Variants in ACAT1 observed in about 807,000 individuals in gnomAD.
ACAT1 encodes acetyl-CoA acetyltransferase 1.
In ACAT1, 28 loss-of-function variants were observed where a neutral mutation model predicts 47.3. The observed-to-expected ratio is 0.59, with a 90% CI of 0.44 to 0.81. The LOEUF is 0.81. Ranked by LOEUF, ACAT1 falls within the 30% of genes least tolerant of loss-of-function variation. The pLI is 0.00. For missense variants in ACAT1, 469 were observed against 524.3 expected (o/e 0.89, Z 1.03); for synonymous variants, 181 against 173.6 (o/e 1.04, Z -0.34).
At position 108,141,627 on chromosome 11, in the gene ACAT1, A is replaced by G. The variant is rs755683200; in HGVS notation, c.753A>G (p.Lys251=). 2 of 1,613,286 alleles carry G rather than the reference A, an allele frequency of 1.2e-6. No individual in the cohort carries two copies. The highest frequency in any genetic ancestry group is 1.1e-5 in the South Asian group (1 of 91,070). The change falls in exon 8 of 12, where the codon AAA becomes AAG. Residue 251 remains lysine, a synonymous_variant. Coordinates refer to ENST00000265838, the MANE Select transcript of ACAT1 (RefSeq NM_000019.4). ...TAGGTCAACCAGATGTAGTGGTGAA[A>G]GAAGATGAAGAATATAAACGTGTTG... The part of the protein sequence containing the change: ...TVKGQPDVVV[K]EDEEYKRVDF...
Position 108,138,715 on chromosome 11 carries a change from T to G in ACAT1, c.436-183T>G, listed in dbSNP as rs998950732. On this transcript the variant is annotated intron_variant, in intron 5 of 11. Transcript: ENST00000265838. Reference sequence around the variant, plus strand: ...CCCAGCCAACTTATTTCTCATTATATTATTTAACACCATTTCTTTTCATCA... The same window carrying G: ...CCCAGCCAACTTATTTCTCATTATAGTATTTAACACCATTTCTTTTCATCA... 1.1e-5 allele frequency: 8 copies of G among 709,830 alleles called. No homozygotes were observed. In the African/African-American group the frequency reaches 1.4e-4, roughly 13 times the overall value. 44.0% of individuals were successfully genotyped at this position (709,830 alleles called of 1,614,324 possible). A position where few individuals can be genotyped will look rare whatever the true frequency, so the allele number is the denominator to read the frequency against.
At chr11:108,143,952 TAAC>T in intron 9 of ACAT1, 28 bp from the exon 10 acceptor site, 1 of 1,260,562 alleles carries the variant, frequency 7.9e-7, no homozygotes, top group Admixed American at 1.9e-5. Context: ...AAAAAGATTT[TAAC>T]AACCCCCCCC....
chr11:108,137,170 G>T (rs1317002513), intron 5 of ACAT1, among the ~76,000 whole-genome samples: 1 of 152,168 alleles, frequency 6.6e-6, no homozygotes, highest in Non-Finnish European at 1.5e-5. Context: ...TTCAAGAAAG[G>T]ATAGAAATAA....
At chr11:108,123,992 C>T (rs1176657072) in intron 1 of ACAT1, among the ~76,000 whole-genome samples, 3 of 152,166 alleles carry the variant, frequency 2.0e-5, no homozygotes, top group Non-Finnish European at 4.4e-5. Context: ...ATTTATCTTC[C>T]CTCCCCTAGT....
intron 1 of ACAT1, among the ~76,000 whole-genome samples, chr11:108,127,486 T>C (rs947217284): frequency 4.6e-5 from 7 of 151,984 alleles, no homozygotes; most frequent in Non-Finnish European, 7.4e-5. Context: ...GCCAGGATGG[T>C]CTCTATCTCC....
At position 108,134,296 on chromosome 11, in the gene ACAT1, G is replaced by A; in HGVS notation, c.314G>A (p.Arg105Lys). ...LQGGEGQAPT[R>K]QAVLGAGLPI... is the part of the protein sequence containing the mutation. ...GGAGGTGAAGGACAAGCTCCTACAA[G>A]GCAGGCAGTATTGGGTGCAGGTACC... Residue 105 changes from arginine to lysine, a missense_variant, in exon 4 of 12, where the codon AGG (arginine) becomes AAG (lysine). Physicochemically the swap from Arg to Lys is conservative, Grantham distance 26. Transcript: ENST00000265838. 1.2e-6 allele frequency: 2 copies of A among 1,613,498 alleles called. No homozygotes were observed. The highest frequency in any genetic ancestry group is 8.5e-7 in the Non-Finnish European group (1 of 1,179,730).
intron 1 of ACAT1, among the ~76,000 whole-genome samples, chr11:108,124,530 A>G (rs2135295511): frequency 6.6e-6 from 1 of 152,236 alleles, no homozygotes; most frequent in African/African-American, 2.4e-5. Context: ...TGATCTGCCC[A>G]CCACAGCCTC....
intron 6 of ACAT1, chr11:108,139,304 T>A (rs1216713068): frequency 1.8e-5 from 8 of 452,706 alleles, no homozygotes; most frequent in Non-Finnish European, 3.3e-5. Flanking sequence ...AGATAAGACA[T>A]GAGTGGCTGG....
chr11:108,120,011 G>A (rs1387401106), upstream of ACAT1, among the ~76,000 whole-genome samples: 2 of 152,118 alleles, frequency 1.3e-5, no homozygotes, highest in Non-Finnish European at 2.9e-5. Flanking sequence ...GAGCTCAGGA[G>A]TTTGAGACCA....
rs1345151532 is a variant in ACAT1, at chr11:108,145,799, C to A, written c.1006-403C>A. On this transcript the variant is annotated intron_variant, in intron 10 of 11. Coordinates refer to ENST00000265838, the MANE Select transcript of ACAT1 (RefSeq NM_000019.4). ...GTGGCTCACGCCTGTAATCCCAGCA[C>A]TTTGGGAGGCTGAAGTGAGCAGATC... Among the ~76,000 whole-genome samples, 12 of 152,280 alleles carry A rather than the reference C, an allele frequency of 7.9e-5. No homozygotes were observed. In the East Asian group the frequency reaches 2.3e-3, roughly 29 times the overall value.
intron 2 of ACAT1, among the ~76,000 whole-genome samples, chr11:108,132,886 A>G (rs2077391654): frequency 6.7e-6 from 1 of 149,820 alleles, no homozygotes; most frequent in Non-Finnish European, 1.5e-5. Context: ...AAAAAAGAAA[A>G]AAGAAATTAT....
chr11:108,146,510 A>C (rs1268445899), intron 11 of ACAT1, 151 bp downstream of exon 11: 1 of 762,090 alleles, frequency 1.3e-6, no homozygotes, highest in Non-Finnish European at 2.2e-6. Context: ...ATGGTATCCA[A>C]TACTGAACAG....
intron 1 of ACAT1, among the ~76,000 whole-genome samples, chr11:108,130,064 A>G (rs955060832): frequency 6.6e-6 from 1 of 152,082 alleles, no homozygotes; most frequent in African/African-American, 2.4e-5. Context: ...CTCTGAGTAT[A>G]TATGTTGCAT....
chr11:108,116,927 T>C (rs139324814), upstream of ACAT1, among the ~76,000 whole-genome samples: 743 of 152,282 alleles, frequency 4.9e-3, 6 homozygotes, highest in African/African-American at 0.016. Context: ...TTCTTTTGTT[T>C]TAAGCCACCC....
chr11:108,118,945 G>C (rs1565279759), upstream of ACAT1, among the ~76,000 whole-genome samples: 1 of 152,152 alleles, frequency 6.6e-6, no homozygotes, highest in South Asian at 2.1e-4. Context: ...TTCCTAGTTA[G>C]GTTTCTCCTA....
In ACAT1 at chr11:108,147,558, TAAAAATA is replaced by T. The variant is rs1347228301; in HGVS notation, c.*171_*177del. ...ATGAAATCCCAAAACATTTTGAAAT[TAAAAATA>T]AATTTCTTCTTCTGCTTTTTTCTTG... On this transcript the variant is annotated 3_prime_UTR_variant, in exon 12 of 12. Transcript: ENST00000265838. 5 of 899,986 alleles carry T rather than the reference TAAAAATA, an allele frequency of 5.6e-6. No homozygotes were observed. Among genetic ancestry groups the T allele is most frequent in the Non-Finnish European group, 6.4e-6 (4 of 623,864 alleles). 55.8% of individuals were successfully genotyped at this position (899,986 alleles called of 1,614,324 possible). A position where few individuals can be genotyped will look rare whatever the true frequency, so the allele number is the denominator to read the frequency against.
chr11:108,133,301 C>G (rs2077398874), intron 2 of ACAT1, among the ~76,000 whole-genome samples: 1 of 152,072 alleles, frequency 6.6e-6, no homozygotes, highest in Non-Finnish European at 1.5e-5. Flanking sequence ...AAGGGACCCT[C>G]TTAGAGTTGT....
chr11:108,137,995 AT>A (rs899453075), intron 5 of ACAT1, among the ~76,000 whole-genome samples: 6 of 148,870 alleles, frequency 4.0e-5, no homozygotes, highest in Admixed American at 6.7e-5. Flanking sequence ...GATTTCTGGT[AT>A]TTTTTTTTTA....
chr11:108,119,743 A>T (rs2077117723), upstream of ACAT1, among the ~76,000 whole-genome samples: 1 of 152,154 alleles, frequency 6.6e-6, no homozygotes, highest in South Asian at 2.1e-4. Flanking sequence ...GCAGCCCAGT[A>T]TGAAAAATAT....
Sources: gnomAD v4.1 joint callset for allele counts (sites outside exome capture counted in the v4.1 genomes callset) on GRCh38, gnomAD v4.1.1 for gene constraint, MANE v1.5 for transcripts, NCBI Gene and HGNC (gene_info 2026-07-23, HGNC 2026-07-21) for gene names.